SAMD12: variants seen among roughly 807,000 people sequenced by gnomAD.
SAMD12 encodes the protein sterile alpha motif domain-containing protein 12.
In SAMD12, 9 loss-of-function variants were observed where a neutral mutation model predicts 15.0. The observed-to-expected ratio is 0.60, with a 90% CI of 0.36 to 1.05. The LOEUF (loss-of-function observed/expected upper bound fraction) is 1.05. SAMD12 is among the 50% of genes least tolerant of loss of function. The pLI is 0.01. For synonymous variants in SAMD12, 86 were observed against 90.1 expected (o/e 0.96, Z 0.25); for missense variants, 230 against 234.2 (o/e 0.98, Z 0.12).
the SAMD12 span, among the ~76,000 whole-genome samples, chr8:118,176,078 G>A: frequency 6.6e-6 from 1 of 152,146 alleles, no homozygotes; most frequent in Non-Finnish European, 1.5e-5. Flanking sequence ...AAAGCGGGTG[G>A]ATCACAAGGT....
intron 2 of SAMD12, among the ~76,000 whole-genome samples, chr8:118,567,644 C>T (rs1586824502): frequency 6.6e-6 from 1 of 152,154 alleles, no homozygotes; most frequent in African/African-American, 2.4e-5. Flanking sequence ...TTGGCTTCAG[C>T]CTTGGTTTTT....
intron 3 of SAMD12, among the ~76,000 whole-genome samples, chr8:118,381,755 T>G (rs915602411): frequency 2.0e-5 from 3 of 152,172 alleles, no homozygotes; most frequent in African/African-American, 7.2e-5. Context: ...GTGAGACCCA[T>G]TTTTGGACTT....
At chr8:118,423,500 A>C (rs894180716) in intron 3 of SAMD12, among the ~76,000 whole-genome samples, 2 of 152,206 alleles carry the variant, frequency 1.3e-5, no homozygotes, top group Non-Finnish European at 2.9e-5. Context: ...AAAATTCTAC[A>C]CAGCATCAAT....
intron 2 of SAMD12, among the ~76,000 whole-genome samples, chr8:118,470,385 T>G (rs1037779663): frequency 2.6e-5 from 4 of 152,200 alleles, no homozygotes; most frequent in African/African-American, 9.7e-5. Context: ...TAAACTTAGC[T>G]GCTTTGGAAG....
At chr8:118,306,623 C>G (rs992441495) in intron 4 of SAMD12, among the ~76,000 whole-genome samples, 1 of 152,156 alleles carries the variant, frequency 6.6e-6, no homozygotes, top group South Asian at 2.1e-4. Context: ...AGTAAAGCCA[C>G]CACCCCAGCC....
At chr8:118,384,316 T>C (rs757599615) in intron 3 of SAMD12, among the ~76,000 whole-genome samples, 1 of 152,112 alleles carries the variant, frequency 6.6e-6, no homozygotes, top group Non-Finnish European at 1.5e-5. Context: ...AAGGATAACT[T>C]GGGCATGATA....
chr8:118,418,276 G>A (rs1821810991), intron 3 of SAMD12, among the ~76,000 whole-genome samples: 1 of 152,188 alleles, frequency 6.6e-6, no homozygotes, highest in Admixed American at 6.5e-5. Flanking sequence ...TTCTACTGAT[G>A]CCTTTTACAA....
At chr8:118,435,102 CAAA>C (rs746295945) in intron 3 of SAMD12, among the ~76,000 whole-genome samples, 4 of 120,212 alleles carry the variant, frequency 3.3e-5, no homozygotes, top group East Asian at 2.5e-4. Context: ...GACTCCATCT[CAAA>C]AAAAAAAAAA....
chr8:118,169,205 A>T, the SAMD12 span, among the ~76,000 whole-genome samples: 4 of 152,200 alleles, frequency 2.6e-5, no homozygotes, highest in Non-Finnish European at 5.9e-5. Flanking sequence ...CTAAAATAAA[A>T]GTTGAAATTA....
chr8:118,196,813 C>T (rs1427665614), exon 5 of SAMD12: 2 of 151,896 alleles, frequency 1.3e-5, no homozygotes, highest in Admixed American at 6.5e-5. Flanking sequence ...TGGAGGAACT[C>T]CTCCCTTGGA....
chr8:118,328,645 G>A (rs1040149963), intron 4 of SAMD12, among the ~76,000 whole-genome samples: 14 of 152,180 alleles, frequency 9.2e-5, no homozygotes, highest in African/African-American at 3.1e-4. Flanking sequence ...GTATAAGGCA[G>A]TGTGATGTAG....
At chr8:118,350,728 C>T (rs1429389353) in intron 4 of SAMD12, among the ~76,000 whole-genome samples, 1 of 152,164 alleles carries the variant, frequency 6.6e-6, no homozygotes, top group Non-Finnish European at 1.5e-5. Flanking sequence ...CAATAAGGCC[C>T]ACACAGAAAG....
intron 2 of SAMD12, among the ~76,000 whole-genome samples, chr8:118,527,494 T>A (rs572787696): frequency 3.3e-5 from 5 of 152,226 alleles, no homozygotes; most frequent in African/African-American, 1.2e-4. Context: ...GCATACAATT[T>A]TATAATCAGC....
chr8:118,286,330 A>T (rs568216769), intron 4 of SAMD12, among the ~76,000 whole-genome samples: 1 of 151,940 alleles, frequency 6.6e-6, no homozygotes, highest in Non-Finnish European at 1.5e-5. Flanking sequence ...AAAAAAAAGA[A>T]AGCAAGCTGT....
intron 3 of SAMD12, among the ~76,000 whole-genome samples, chr8:118,388,553 C>G (rs950909893): frequency 3.3e-5 from 5 of 152,088 alleles, no homozygotes; most frequent in Non-Finnish European, 7.4e-5. Context: ...TCACTCCCAC[C>G]CCTTCCCATA....
chr8:118,244,762 AT>A (rs147559204), intron 4 of SAMD12, among the ~76,000 whole-genome samples: 1,770 of 152,232 alleles, frequency 0.012, 48 homozygotes, highest in African/African-American at 0.041. Flanking sequence ...AGTAAGAGGA[AT>A]TTTGTTTTGT....
At chr8:118,264,497 C>T (rs546229662) in intron 4 of SAMD12, among the ~76,000 whole-genome samples, 7 of 152,114 alleles carry the variant, frequency 4.6e-5, no homozygotes, top group East Asian at 1.9e-4. Context: ...TCAGAGCTGA[C>T]GGTTCTCTAA....
At chr8:118,386,261 G>A (rs888550150) in intron 3 of SAMD12, among the ~76,000 whole-genome samples, 2 of 152,172 alleles carry the variant, frequency 1.3e-5, no homozygotes, top group African/African-American at 2.4e-5. Context: ...TGTAGGACAC[G>A]AAACATTCTC....
intron 2 of SAMD12, among the ~76,000 whole-genome samples, chr8:118,524,834 C>T (rs1825490542): frequency 6.6e-6 from 1 of 152,248 alleles, no homozygotes; most frequent in Non-Finnish European, 1.5e-5. Context: ...AGTATCTGCC[C>T]ACCTCCTACA....
Sources: gnomAD v4.1 joint callset for allele counts (sites outside exome capture counted in the v4.1 genomes callset) on GRCh38, gnomAD v4.1.1 for gene constraint, MANE v1.5 for transcripts, NCBI Gene and HGNC (gene_info 2026-07-23, HGNC 2026-07-21) for gene names.